MLLT6: variants seen among roughly 807,000 people sequenced by gnomAD.
The protein encoded by MLLT6 is protein AF-17.
A neutral mutation model predicts 103.0 loss-of-function variants in MLLT6; 22 were observed. The ratio of observed to expected loss-of-function variants is 0.21; its 90% CI spans 0.15 to 0.31. MLLT6 has a LOEUF of 0.31. Among genes scored for constraint, MLLT6 ranks in the 10% least tolerant of loss-of-function variants. The pLI is 1.00. For missense variants in MLLT6, 1,199 were observed against 1,441.7 expected, an observed-to-expected ratio of 0.83 and a Z score of 2.73; for synonymous variants, 606 against 623.5, an observed-to-expected ratio of 0.97 and a Z score of 0.42.
rs202226453 is a variant in MLLT6 at position 38,705,604 on chromosome 17, C to G, written c.-29C>G. ...CCGACCCCCGCCGGCCGGCCCCCCGCCCCAGCCCCGGAGGGAGCTCATGGG... is the reference window on the plus strand; with the variant it reads ...CCGACCCCCGCCGGCCGGCCCCCCGGCCCAGCCCCGGAGGGAGCTCATGGG... On this transcript the variant is annotated 5_prime_UTR_variant, in exon 1 of 20. Coordinates refer to ENST00000621332, the MANE Select transcript of MLLT6 (RefSeq NM_005937.4). 1 of 1,400,412 alleles carries G rather than the reference C, an allele frequency of 7.1e-7. No individual in the cohort carries two copies. Among genetic ancestry groups the G allele is most frequent in the Admixed American group, 2.0e-5 (1 of 49,286 alleles). The allele number at this position is 1,400,412 out of a possible 1,614,324, so 86.7% of individuals were successfully genotyped here.
At position 38,724,931 on chromosome 17, in the gene MLLT6, C is replaced by T. The variant is rs1310332516; in HGVS notation, c.3195C>T (p.Leu1065=). The part of the protein sequence containing the change: ...PVLTAQTNPF[L]SLSGAEGSGG... The stretch of plus-strand genomic sequence containing the variant: ...TCACTGCCCAGACCAACCCCTTCCT[C>T]AGCCTGTCGGGAGCAGAGGGCAGTG... The change falls in exon 19 of 20, where the codon CTC becomes CTT. Residue 1065 remains leucine (L), a synonymous_variant. Coordinates refer to ENST00000621332, the MANE Select transcript of MLLT6 (RefSeq NM_005937.4). The surrounding 1 kb of genome is among the most constrained non-coding windows in gnomAD (Gnocchi z 5.4). The T allele has an allele frequency of 1.9e-6, 3 of 1,550,598 alleles. No individual in the cohort carries two copies. Among genetic ancestry groups the T allele is most frequent in the African/African-American group, 1.4e-5 (1 of 73,082 alleles).
chr17:38,717,340 C>T (rs1905398789), intron 10 of MLLT6, 92 bp from the exon 11 acceptor site: 6 of 1,048,114 alleles, frequency 5.7e-6, no homozygotes, highest in African/African-American at 4.8e-5. Context: ...CCGGGGAGCA[C>T]TCGAGCTGGG....
Position 38,716,277 on chromosome 17 carries a change from A to T in MLLT6, c.1037-90A>T. ...GGAAACCAGGCATCCCCATTCGTGG[A>T]CCAGAGCTCTCTCCCGCCAGTACAC... On this transcript the variant is annotated intron_variant, in intron 9 of 19. Coordinates refer to ENST00000621332, the MANE Select transcript of MLLT6 (RefSeq NM_005937.4). The surrounding 1 kb of genome is among the most constrained non-coding windows in gnomAD (Gnocchi z 5.6). 1 of 1,377,040 alleles carries T rather than the reference A, an allele frequency of 7.3e-7. No individual in the cohort carries two copies. Among genetic ancestry groups the T allele is most frequent in the South Asian group, 1.3e-5 (1 of 77,964 alleles). The allele number at this position is 1,377,040 out of a possible 1,614,324, so 85.3% of individuals were successfully genotyped here. A position where few individuals can be genotyped will look rare whatever the true frequency, so the allele number is the denominator to read the frequency against.
chr17:38,712,247 C>T (rs1041980680), intron 7 of MLLT6, among the ~76,000 whole-genome samples: 1 of 152,158 alleles, frequency 6.6e-6, no homozygotes, highest in Non-Finnish European at 1.5e-5. Context: ...CATGACATCA[C>T]AGTGTCCCCC....
intron 18 of MLLT6, among the ~76,000 whole-genome samples, chr17:38,723,702 G>C (rs1454954536): frequency 1.3e-5 from 2 of 150,994 alleles, no homozygotes; most frequent in Non-Finnish European, 2.9e-5. Context: ...AATCTTAAAT[G>C]ATAGAAGCAA....
intron 19 of MLLT6, 59 bp downstream of exon 19, chr17:38,725,035 T>C: frequency 8.2e-7 from 1 of 1,221,412 alleles, no homozygotes; most frequent in Non-Finnish European, 1.1e-6. Flanking sequence ...AGAGATGGAT[T>C]GTCAGAAGGC....
chr17:38,719,447 C>T lies in MLLT6; in HGVS notation c.1943-70C>T, dbSNP rs1171349646. On this transcript the variant is annotated intron_variant, in intron 12 of 19. Transcript: ENST00000621332. The stretch of plus-strand genomic sequence containing the variant: ...TGCGGTGAGGTCCCAATCCCATATC[C>T]ATCTGGGGGCGGGGACCCTGAGGCA... 1.8e-5 allele frequency: 24 copies of T among 1,307,260 alleles called. No homozygotes were observed. In the East Asian group the frequency reaches 5.4e-4, roughly 30 times the overall value. The allele number at this position is 1,307,260 out of a possible 1,614,324, so 81.0% of individuals were successfully genotyped here. A position where few individuals can be genotyped will look rare whatever the true frequency, so the allele number is the denominator to read the frequency against.
At chr17:38,720,174 T>C (rs1905628966) in intron 14 of MLLT6, 198 bp from the exon 15 acceptor site, 2 of 696,188 alleles carry the variant, frequency 2.9e-6, no homozygotes, top group East Asian at 5.4e-5. Flanking sequence ...GACCCCAGCC[T>C]CAGGCTCCGC....
chr17:38,717,711 A>T, intron 11 of MLLT6, 98 bp downstream of exon 11: 1 of 1,451,258 alleles, frequency 6.9e-7, no homozygotes, highest in Non-Finnish European at 9.6e-7. Context: ...AACTGGGCTG[A>T]GTTGCCATCA....
Position 38,715,812 on chromosome 17 carries a change from G to T in MLLT6, c.1020G>T (p.Gly340=), listed in dbSNP as rs763291113. The T allele has an allele frequency of 8.8e-6, 14 of 1,595,124 alleles. No individual in the cohort carries two copies. In the East Asian group the frequency reaches 2.9e-4, roughly 33 times the overall value. Residue 340 remains glycine, a synonymous_variant, in exon 9 of 20, where the codon GGG becomes GGT. Coordinates refer to ENST00000621332, the MANE Select transcript of MLLT6 (RefSeq NM_005937.4). ...CCTCCTCTTCCTCCTCCTCTGGGGG[G>T]CCCTTCCAGCCTGCAGGTGAGTGTG... ...SSSSSSSSSG[G]PFQPAVSSLQ...
chr17:38,716,496 C>A lies in MLLT6; in HGVS notation c.1166C>A (p.Pro389His), dbSNP rs201269762. ...CCTTCTCCCTCAGCTCCCGAGCCCC[C>A]CAAGGCTGACCTTTTTGAGCAGAAG... ...APPSPSAPEP[P>H]KADLFEQKVV... is the part of the protein sequence containing the mutation. Residue 389 changes from proline (P) to histidine (H), a missense_variant, in exon 10 of 20, where the codon CCC becomes CAC. Coordinates refer to ENST00000621332, the MANE Select transcript of MLLT6 (RefSeq NM_005937.4). The surrounding 1 kb of genome is among the most constrained non-coding windows in gnomAD (Gnocchi z 5.6). The A allele has an allele frequency of 2.0e-4, 315 of 1,614,084 alleles. 4 individuals carry two copies. The East Asian group carries it at 6.5e-3, about 33-fold the overall frequency.
Position 38,715,691 on chromosome 17 carries a change from G to A in MLLT6, c.899G>A (p.Gly300Glu), listed in dbSNP as rs1160942087. Residue 300 changes from glycine to glutamate, a missense_variant, in exon 9 of 20, where the codon GGG becomes GAG. This residue lies in a region of MLLT6 where 1,034 missense variants were observed against 1,091.5 expected (regional missense o/e 0.95). Coordinates refer to ENST00000621332, the MANE Select transcript of MLLT6 (RefSeq NM_005937.4). ...ETSESSRESK[G>E]KKSSSHSLSH... is the part of the protein sequence containing the mutation. Reference sequence around the variant, plus strand: ...TCTGAGAGCAGCAGGGAGTCAAAGGGGAAAAAGTCTTCCAGCCATAGCCTG... The same window carrying A: ...TCTGAGAGCAGCAGGGAGTCAAAGGAGAAAAAGTCTTCCAGCCATAGCCTG... The A allele has an allele frequency of 6.2e-7, 1 of 1,614,124 alleles. No individual in the cohort carries two copies. Among genetic ancestry groups the A allele is most frequent in the South Asian group, 1.1e-5 (1 of 91,078 alleles).
intron 7 of MLLT6, 108 bp from the exon 8 acceptor site, chr17:38,712,583 A>G: frequency 2.7e-6 from 2 of 741,894 alleles, no homozygotes. Flanking sequence ...GATGGTGCCC[A>G]CAAAACCCCA....
chr17:38,709,556 A>G lies in MLLT6; in HGVS notation c.533A>G (p.Lys178Arg), dbSNP rs555079039. ...AACGTCAAGTACTGCGGCTACTGCA[A>G]ATACCACTTCAGCAAGATGGTGAGT... is the stretch of plus-strand genomic sequence containing the variant. ...VDNVKYCGYCKYHFSKMKTSR... is the reference protein window; with the variant it reads ...VDNVKYCGYCRYHFSKMKTSR... Residue 178 changes from lysine (K) to arginine (R), a missense_variant, in exon 6 of 20, where the codon AAA becomes AGA. Lys to Arg is a conservative substitution (Grantham distance 26, BLOSUM62 2). Transcript: ENST00000621332. This position sits in a 1 kb window ranked among gnomAD's most constrained non-coding sequence, Gnocchi z 4.3. 1.2e-6 allele frequency: 2 copies of G among 1,613,986 alleles called. No homozygotes were observed. The highest frequency in any genetic ancestry group is 1.3e-5 in the African/African-American group (1 of 75,068).
chr17:38,722,259 C>A (rs1905797939), intron 17 of MLLT6, 32 bp downstream of exon 17: 3 of 1,345,662 alleles, frequency 2.2e-6, no homozygotes, highest in African/African-American at 1.5e-5. Context: ...GGAAGGGGAA[C>A]AGGGTGGGGG....
chr17:38,707,405 C>A, intron 2 of MLLT6, 81 bp from the exon 3 acceptor site: 1 of 1,398,008 alleles, frequency 7.2e-7, no homozygotes. Flanking sequence ...CTTAGCATTT[C>A]AGCCTGGGAC....
chr17:38,715,598 C>G lies in MLLT6; in HGVS notation c.820-14C>G. 6.2e-7 allele frequency: 1 copy of G among 1,603,666 alleles called. No homozygotes were observed. Among genetic ancestry groups the G allele is most frequent in the Non-Finnish European group, 8.5e-7 (1 of 1,175,368 alleles). ...GGCACCTGGTGTTGAACCTTCCTCT[C>G]TCCTCTCCTTCAGGTCTCCTCCTCG... On this transcript the variant is annotated splice_polypyrimidine_tract_variant and intron_variant, in intron 8 of 19. Transcript: ENST00000621332.
chr17:38,722,633 A>AGGGGGG, intron 17 of MLLT6, 45 bp from the exon 18 acceptor site: 11 of 377,840 alleles, frequency 2.9e-5, no homozygotes, highest in East Asian at 1.2e-4. Context: ...GCCCTCCCCC[A>AGGGGGG]TGGTCTGTGT....
chr17:38,707,860 T>C lies in MLLT6; in HGVS notation c.342T>C (p.Asp114=). 5 of 1,611,522 alleles carry C rather than the reference T, an allele frequency of 3.1e-6. No homozygotes were observed. The highest frequency in any genetic ancestry group is 3.4e-6 in the Non-Finnish European group (4 of 1,178,390). ...EPIVLQYVPH[D]RFNKTCYICE... The stretch of plus-strand genomic sequence containing the variant: ...TCGTGCTGCAGTACGTGCCTCATGA[T>C]CGCTTCAACAAGGTCAGCGGCCCCC... Residue 114 remains aspartate (D), a synonymous_variant, in exon 4 of 20, where the codon GAT becomes GAC. Coordinates refer to ENST00000621332, the MANE Select transcript of MLLT6 (RefSeq NM_005937.4).
Sources: allele counts gnomAD v4.1 joint callset (sites outside exome capture counted in the v4.1 genomes callset), GRCh38; gene constraint gnomAD v4.1.1; regional missense constraint gnomAD v4.1.1; non-coding constraint Gnocchi (gnomAD v3.1); transcripts MANE v1.5; gene names NCBI Gene and HGNC (gene_info 2026-07-23, HGNC 2026-07-21).